Variants in DNM3 observed in about 807,000 individuals in gnomAD.
DNM3 encodes the protein dynamin 3.
DNM3 carries 47 observed loss-of-function variants against 101.6 expected under a neutral mutation model. That is an observed-to-expected ratio of 0.46 (90% CI 0.37 to 0.59). The LOEUF is 0.59. Among genes scored for constraint, DNM3 ranks in the 20% least tolerant of loss-of-function variants. The pLI is 0.00. For synonymous variants in DNM3, 385 were observed against 387.9 expected, an observed-to-expected ratio of 0.99 and a Z score of 0.09; for missense variants, 849 against 1,085.7, an observed-to-expected ratio of 0.78 and a Z score of 3.06.
At chr1:172,272,496 ATGTTAATATATT>A (rs2063126302) in intron 15 of DNM3, among the ~76,000 whole-genome samples, 1 of 152,154 alleles carries the variant, frequency 6.6e-6, no homozygotes, top group Admixed American at 6.6e-5. Context: ...CATCAGTGCA[ATGTTAATATATT>A]TGTTGCTCCA....
chr1:172,087,678 A>G (rs1342219665), intron 12 of DNM3, among the ~76,000 whole-genome samples: 1 of 151,956 alleles, frequency 6.6e-6, no homozygotes, highest in Non-Finnish European at 1.5e-5. Flanking sequence ...TTTTGAATTC[A>G]TCTATTTCTT....
intron 17 of DNM3, among the ~76,000 whole-genome samples, chr1:172,364,099 A>T (rs1277286543): frequency 6.6e-6 from 1 of 151,978 alleles, no homozygotes; most frequent in African/African-American, 2.4e-5. Flanking sequence ...CCCCAAATAC[A>T]GGGTAAACTT....
intron 15 of DNM3, among the ~76,000 whole-genome samples, chr1:172,269,057 G>A (rs567894144): frequency 6.6e-6 from 1 of 152,248 alleles, no homozygotes; most frequent in South Asian, 2.1e-4. Context: ...TCTTCCCAAG[G>A]ATTCAGTTTC....
intron 17 of DNM3, among the ~76,000 whole-genome samples, chr1:172,345,811 T>C (rs1317312757): frequency 6.6e-6 from 1 of 152,182 alleles, no homozygotes; most frequent in Admixed American, 6.5e-5. Flanking sequence ...ACATAACTGC[T>C]ATCATCGTTA....
intron 4 of DNM3, among the ~76,000 whole-genome samples, chr1:172,004,889 T>C (rs1190798733): frequency 6.6e-6 from 1 of 152,020 alleles, no homozygotes; most frequent in East Asian, 1.9e-4. Flanking sequence ...TGAAAAGGAT[T>C]GGCAAATAGG....
intron 12 of DNM3, among the ~76,000 whole-genome samples, chr1:172,091,057 T>C (rs2147808502): frequency 6.6e-6 from 1 of 152,318 alleles, no homozygotes; most frequent in East Asian, 1.9e-4. Flanking sequence ...AGGGATAGAG[T>C]AACCTAGTGA....
chr1:171,879,395 G>A (rs2036063930), intron 1 of DNM3, among the ~76,000 whole-genome samples: 1 of 152,148 alleles, frequency 6.6e-6, no homozygotes, highest in Admixed American at 6.5e-5. Context: ...GCTGTCTACT[G>A]AAAATCCACA....
intron 14 of DNM3, among the ~76,000 whole-genome samples, chr1:172,199,030 T>C: frequency 6.6e-6 from 1 of 152,030 alleles, no homozygotes; most frequent in Admixed American, 6.6e-5. Context: ...TTCCAACTTT[T>C]TGATGTAGGC....
chr1:172,364,965 A>G (rs2067932181), intron 17 of DNM3, among the ~76,000 whole-genome samples: 1 of 151,892 alleles, frequency 6.6e-6, no homozygotes, highest in Admixed American at 6.6e-5. Flanking sequence ...TACAGCCTGC[A>G]GAGTCCTGAG....
Position 172,410,719 on chromosome 1 carries a change from G to T in DNM3, c.*2878G>T. 1 of 985,198 alleles carries T rather than the reference G, an allele frequency of 1.0e-6. No individual in the cohort carries two copies. Among genetic ancestry groups the T allele is most frequent in the East Asian group, 1.1e-4 (1 of 8,820 alleles). 61.0% of individuals were successfully genotyped at this position (985,198 alleles called of 1,614,324 possible). A position where few individuals can be genotyped will look rare whatever the true frequency, so the allele number is the denominator to read the frequency against. ...CTGTTTATTAGCAAATTTCCTATTT[G>T]TTCCAATACAAACTCACTTTATTCT... On this transcript the variant is annotated 3_prime_UTR_variant, in exon 21 of 21. Coordinates refer to ENST00000627582, the MANE Select transcript of DNM3 (RefSeq NM_015569.5).
chr1:172,273,910 A>G (rs905426310), intron 15 of DNM3, among the ~76,000 whole-genome samples: 13 of 152,202 alleles, frequency 8.5e-5, no homozygotes, highest in African/African-American at 3.1e-4. Context: ...AATACGTGAT[A>G]TAATGATTCA....
At chr1:171,959,024 G>T (rs2043038823) in intron 2 of DNM3, among the ~76,000 whole-genome samples, 1 of 152,120 alleles carries the variant, frequency 6.6e-6, no homozygotes, top group African/African-American at 2.4e-5. Flanking sequence ...GACTTCATTT[G>T]TATAAAGCTT....
In DNM3 at chr1:172,410,728, C is replaced by G; in HGVS notation, c.*2887C>G. ...AGCAAATTTCCTATTTGTTCCAATA[C>G]AAACTCACTTTATTCTAAAGTATAT... is the stretch of plus-strand genomic sequence containing the variant. On this transcript the variant is annotated 3_prime_UTR_variant, in exon 21 of 21. Transcript: ENST00000627582. The G allele has an allele frequency of 1.0e-6, 1 of 985,280 alleles. No homozygotes were observed. The highest frequency in any genetic ancestry group is 1.2e-6 in the Non-Finnish European group (1 of 829,826). 61.0% of individuals were successfully genotyped at this position (985,280 alleles called of 1,614,324 possible).
chr1:172,081,928 T>C lies in DNM3; in HGVS notation c.1493+26T>C, dbSNP rs754852055. ...GTACGTGAAACACTTGATGGCCACATGCATTCCTCCTGTTGATTTGTCTCA... is the reference window on the plus strand; with the variant it reads ...GTACGTGAAACACTTGATGGCCACACGCATTCCTCCTGTTGATTTGTCTCA... On this transcript the variant is annotated intron_variant, in intron 12 of 20. Coordinates refer to ENST00000627582, the MANE Select transcript of DNM3 (RefSeq NM_015569.5). 3 of 1,605,128 alleles carry C rather than the reference T, an allele frequency of 1.9e-6. No homozygotes were observed. In the African/African-American group the frequency reaches 4.0e-5, roughly 21 times the overall value.
intron 15 of DNM3, among the ~76,000 whole-genome samples, chr1:172,281,156 A>G (rs1468615008): frequency 6.6e-6 from 1 of 152,040 alleles, no homozygotes; most frequent in Non-Finnish European, 1.5e-5. Context: ...AAGCTATAGA[A>G]CAAGACACTC....
At chr1:172,031,386 A>G (rs1028008932) in intron 4 of DNM3, among the ~76,000 whole-genome samples, 1 of 152,138 alleles carries the variant, frequency 6.6e-6, no homozygotes, top group Non-Finnish European at 1.5e-5. Flanking sequence ...AACAACACAC[A>G]CTGGGGCCAG....
chr1:172,067,982 T>C (rs1181708661), intron 10 of DNM3, among the ~76,000 whole-genome samples: 1 of 152,184 alleles, frequency 6.6e-6, no homozygotes, highest in Admixed American at 6.5e-5. Flanking sequence ...TTGAGCTGTT[T>C]AGTCATGGGC....
chr1:172,172,042 T>C (rs2058979898), intron 14 of DNM3, among the ~76,000 whole-genome samples: 1 of 151,514 alleles, frequency 6.6e-6, no homozygotes, highest in African/African-American at 2.4e-5. Context: ...GATAAATATT[T>C]ATTGATGGAG....
At chr1:171,991,789 A>G (rs1160441652) in intron 4 of DNM3, among the ~76,000 whole-genome samples, 4 of 152,182 alleles carry the variant, frequency 2.6e-5, no homozygotes, top group Non-Finnish European at 4.4e-5. Context: ...CTGCAAAAAG[A>G]TACTTATCAC....
Sources: allele counts gnomAD v4.1 joint callset (sites outside exome capture counted in the v4.1 genomes callset), GRCh38; gene constraint gnomAD v4.1.1; transcripts MANE v1.5; gene names NCBI Gene and HGNC (gene_info 2026-07-23, HGNC 2026-07-21).